The following PPP2R2C variants were observed in gnomAD, a reference collection of about 807,000 sequenced individuals.
PPP2R2C encodes the protein protein phosphatase 2, regulatory subunit B, gamma.
PPP2R2C carries 10 observed loss-of-function variants against 45.3 expected under a neutral mutation model. That is an observed-to-expected ratio of 0.22 (90% CI 0.14 to 0.37). The LOEUF is 0.37. Ranked by LOEUF, PPP2R2C falls within the 10% of genes least tolerant of loss-of-function variation. The pLI is 1.00. For missense variants in PPP2R2C, 308 were observed against 619.7 expected, an observed-to-expected ratio of 0.50 and a Z score of 5.34; for synonymous variants, 257 against 245.4, an observed-to-expected ratio of 1.05 and a Z score of -0.44.
chr4:6,553,638 T>A (rs1725260823), intron 1 of PPP2R2C, among the ~76,000 whole-genome samples: 2 of 152,196 alleles, frequency 1.3e-5, no homozygotes, highest in Non-Finnish European at 2.9e-5. Context: ...GATAGGCACC[T>A]TGCCTGTGCC....
At chr4:6,419,971 A>T (rs1270491683) in intron 1 of PPP2R2C, among the ~76,000 whole-genome samples, 2 of 152,160 alleles carry the variant, frequency 1.3e-5, no homozygotes, top group Admixed American at 6.5e-5. Context: ...CAAGAACCCT[A>T]TTTCCAAATA....
intron 4 of PPP2R2C, among the ~76,000 whole-genome samples, chr4:6,375,176 T>C (rs1334873170): frequency 2.6e-5 from 4 of 152,204 alleles, no homozygotes; most frequent in Non-Finnish European, 5.9e-5. Context: ...TCGAAGCTAA[T>C]CGGCTGCCCA....
At chr4:6,559,768 C>T (rs1445606463) in intron 1 of PPP2R2C, among the ~76,000 whole-genome samples, 1 of 152,228 alleles carries the variant, frequency 6.6e-6, no homozygotes, top group African/African-American at 2.4e-5. Context: ...AACCAGAACG[C>T]AGGTCCTCAC....
intron 1 of PPP2R2C, among the ~76,000 whole-genome samples, chr4:6,432,363 C>T (rs1354309217): frequency 1.3e-5 from 2 of 152,234 alleles, no homozygotes; most frequent in African/African-American, 2.4e-5. Context: ...ATTCAGCAGA[C>T]ATCTCTGAGC....
Position 6,345,797 on chromosome 4 carries a change from G to A in PPP2R2C, c.790+2049C>T, listed in dbSNP as rs545048281. Among the ~76,000 whole-genome samples, 14 of 152,200 alleles carry A rather than the reference G, an allele frequency of 9.2e-5. No individual in the cohort carries two copies. The highest frequency in any genetic ancestry group is 1.9e-4 in the African/African-American group (8 of 41,518). Reference sequence around the variant, plus strand: ...GGTCCTTTGTTGTGGCGCACAGGACGCAGCCCCGAGCCCCCTGCACCCCGG... The same window carrying A: ...GGTCCTTTGTTGTGGCGCACAGGACACAGCCCCGAGCCCCCTGCACCCCGG... On this transcript the variant is annotated intron_variant, in intron 6 of 8. Transcript: ENST00000382599. The surrounding 1 kb of genome is among the most constrained non-coding windows in gnomAD (Gnocchi z 5.3).
At position 6,385,152 on chromosome 4, in the gene PPP2R2C, G is replaced by A. The variant is rs144812824; in HGVS notation, c.71-4058C>T. 2.2e-3 allele frequency among the ~76,000 whole-genome samples: 331 copies of A among 152,244 alleles called. 1 individual carries two copies. The highest frequency in any genetic ancestry group is 7.2e-3 in the African/African-American group (299 of 41,540). Reference sequence around the variant, plus strand: ...ACAGCCACAAGCTCTGCAATGTGGCGATGGATCTGGGCGCCCAACCTCACT... The same window carrying A: ...ACAGCCACAAGCTCTGCAATGTGGCAATGGATCTGGGCGCCCAACCTCACT... On this transcript the variant is annotated intron_variant, in intron 1 of 8. Transcript: ENST00000382599.
intron 1 of PPP2R2C, among the ~76,000 whole-genome samples, chr4:6,439,289 A>G (rs1347573069): frequency 6.6e-6 from 1 of 152,248 alleles, no homozygotes; most frequent in Non-Finnish European, 1.5e-5. Flanking sequence ...TTTATCATAA[A>G]TGCAAGGCTG....
rs1177304859 is a variant in PPP2R2C, at chr4:6,364,762, C to G, written c.625+7761G>C. ...GGGCCAAGGTCTGAGCCCTGGCAGT[C>G]TGGCTCCTAGACCTAAGAAGGGAGG... On this transcript the variant is annotated intron_variant, in intron 5 of 8. Coordinates refer to ENST00000382599, the MANE Select transcript of PPP2R2C (RefSeq NM_020416.4). The surrounding 1 kb of genome is among the most constrained non-coding windows in gnomAD (Gnocchi z 5.3). 6.6e-6 allele frequency among the ~76,000 whole-genome samples: 1 copy of G among 152,100 alleles called. No homozygotes were observed. Among genetic ancestry groups the G allele is most frequent in the African/African-American group, 2.4e-5 (1 of 41,414 alleles).
intron 2 of PPP2R2C, among the ~76,000 whole-genome samples, chr4:6,493,790 C>T (rs1722788163): frequency 6.6e-6 from 1 of 152,058 alleles, no homozygotes; most frequent in Admixed American, 6.5e-5. Flanking sequence ...CACGCCCAGC[C>T]CCCACCCTGA....
chr4:6,478,815 T>A (rs933032553), intron 2 of PPP2R2C, among the ~76,000 whole-genome samples: 1 of 152,218 alleles, frequency 6.6e-6, no homozygotes, highest in Non-Finnish European at 1.5e-5. Context: ...TCGAGTGGGC[T>A]ACAGCTCTGA....
intron 1 of PPP2R2C, among the ~76,000 whole-genome samples, chr4:6,410,166 C>T (rs989617445): frequency 4.6e-5 from 7 of 152,370 alleles, no homozygotes; most frequent in Non-Finnish European, 1.0e-4. Context: ...GCCCTCCCCA[C>T]AGCCTCAGCG....
intron 1 of PPP2R2C, among the ~76,000 whole-genome samples, chr4:6,465,278 T>C (rs1347312775): frequency 6.6e-6 from 1 of 152,178 alleles, no homozygotes; most frequent in Non-Finnish European, 1.5e-5. Context: ...AAGATAACTG[T>C]TGGCCTCTCC....
At chr4:6,379,888 C>T (rs1437771387) in intron 2 of PPP2R2C, 4 of 152,270 alleles carry the variant, frequency 2.6e-5, no homozygotes. Context: ...GTTCGTGGGC[C>T]ATGCTCAGGA....
rs1715985372 is a variant in PPP2R2C at position 6,383,247 on chromosome 4, C to G, written c.71-2153G>C. On this transcript the variant is annotated intron_variant, in intron 1 of 8. Coordinates refer to ENST00000382599, the MANE Select transcript of PPP2R2C (RefSeq NM_020416.4). The stretch of plus-strand genomic sequence containing the variant: ...TGGGTGCAGAAGAACCCCCCCAACC[C>G]CCGGCCAAGCCCAGCCTCCAGCAGG... The G allele has an allele frequency of 5.8e-6, 7 of 1,216,034 alleles. No individual in the cohort carries two copies. In the South Asian group the frequency reaches 8.7e-5, roughly 15 times the overall value. The allele number at this position is 1,216,034 out of a possible 1,614,324, so 75.3% of individuals were successfully genotyped here.
chr4:6,465,428 A>C (rs1370666886), intron 1 of PPP2R2C, among the ~76,000 whole-genome samples: 1 of 152,164 alleles, frequency 6.6e-6, no homozygotes, highest in Admixed American at 6.5e-5. Flanking sequence ...ACCAATCACG[A>C]AAGCCAAGGA....
At chr4:6,528,993 C>T (rs1037754188) in intron 2 of PPP2R2C, among the ~76,000 whole-genome samples, 3 of 152,242 alleles carry the variant, frequency 2.0e-5, no homozygotes, top group Admixed American at 1.3e-4. Context: ...GTTTGGTGGT[C>T]TCTTCACACG....
At chr4:6,333,102 T>C (rs1486788177) in intron 7 of PPP2R2C, among the ~76,000 whole-genome samples, 1 of 152,238 alleles carries the variant, frequency 6.6e-6, no homozygotes, top group Non-Finnish European at 1.5e-5. Flanking sequence ...AGGCCTGTGC[T>C]GAGGATCTGG....
Position 6,528,046 on chromosome 4 carries a change from A to T in PPP2R2C, c.49+7225T>A, listed in dbSNP as rs188977666. ...GACGATGAAGAATCTCAGGACGGTG[A>T]GCGCAGAGCATCCACCCCAGTGGGC... On this transcript the variant is annotated intron_variant, in intron 2 of 9. Transcript: ENST00000506140. Among the ~76,000 whole-genome samples, 35 of 152,344 alleles carry T rather than the reference A, an allele frequency of 2.3e-4. 1 individual carries two copies. In the East Asian group the frequency reaches 5.4e-3, roughly 24 times the overall value.
intron 2 of PPP2R2C, among the ~76,000 whole-genome samples, chr4:6,479,585 A>C (rs566166529): frequency 1.1e-4 from 16 of 152,218 alleles, no homozygotes; most frequent in Non-Finnish European, 2.4e-4. Context: ...CACGAGTAAC[A>C]CTTGCTTGTG....
Sources: allele counts gnomAD v4.1 joint callset (sites outside exome capture counted in the v4.1 genomes callset), GRCh38; gene constraint gnomAD v4.1.1; non-coding constraint Gnocchi (gnomAD v3.1); transcripts MANE v1.5; gene names NCBI Gene and HGNC (gene_info 2026-07-23, HGNC 2026-07-21).